SOX5: variants seen among roughly 807,000 people sequenced by gnomAD.
The protein encoded by SOX5 is SRY-box transcription factor 5, also known as transcription factor SOX-5.
Under a neutral mutation model 92.0 loss-of-function variants are expected in SOX5, and 9 were observed. The observed-to-expected ratio is 0.10, with a 90% CI of 0.06 to 0.17. The LOEUF (loss-of-function observed/expected upper bound fraction) is 0.17. Ranked by LOEUF, SOX5 falls within the 10% of genes least tolerant of loss-of-function variation. The pLI, the probability that SOX5 is intolerant of heterozygous loss-of-function variation, is 1.00. For synonymous variants in SOX5, 344 were observed against 336.3 expected (o/e 1.02, Z -0.25); for missense variants, 642 against 944.5 (o/e 0.68, Z 4.20).
chr12:23,780,574 G>A (rs1314203863), intron 3 of SOX5, among the ~76,000 whole-genome samples: 1 of 152,022 alleles, frequency 6.6e-6, no homozygotes, highest in Non-Finnish European at 1.5e-5. Context: ...TCTCTTGAAT[G>A]AGGGAGAATT....
chr12:23,767,196 C>A (rs1048206480), intron 3 of SOX5, among the ~76,000 whole-genome samples: 8 of 145,568 alleles, frequency 5.5e-5, no homozygotes, highest in Non-Finnish European at 1.0e-4. Context: ...AAGAATGGAC[C>A]TTGTCTCAAA....
chr12:24,068,702 GTGTATATA>G (rs1340273536), intron 4 of SOX5, among the ~76,000 whole-genome samples: 79 of 53,000 alleles, frequency 1.5e-3, no homozygotes, highest in Middle Eastern at 7.1e-3. Context: ...GTGTGTGTGT[GTGTATATA>G]TATATATATA....
chr12:24,412,146 T>A (rs1357685352), intron 1 of SOX5, among the ~76,000 whole-genome samples: 1 of 152,138 alleles, frequency 6.6e-6, no homozygotes, highest in Non-Finnish European at 1.5e-5. Flanking sequence ...GATCGATAAA[T>A]CGTATCGATT....
intron 1 of SOX5, among the ~76,000 whole-genome samples, chr12:24,555,757 G>C (rs1164326355): frequency 6.6e-6 from 1 of 152,192 alleles, no homozygotes; most frequent in African/African-American, 2.4e-5. Flanking sequence ...GTGTGTGTGT[G>C]ACAGAGAGAC....
At chr12:24,208,608 C>T (rs1037175517) in intron 4 of SOX5, among the ~76,000 whole-genome samples, 2 of 152,170 alleles carry the variant, frequency 1.3e-5, no homozygotes, top group African/African-American at 4.8e-5. Flanking sequence ...TTCTATGAAG[C>T]CTTATACACT....
chr12:23,571,695 A>G (rs1338951227), intron 10 of SOX5, among the ~76,000 whole-genome samples: 3 of 152,184 alleles, frequency 2.0e-5, no homozygotes, highest in Non-Finnish European at 4.4e-5. Context: ...ATTTTTATGT[A>G]CATTTATTTC....
intron 1 of SOX5, among the ~76,000 whole-genome samples, chr12:24,443,240 A>T (rs1336189679): frequency 6.6e-6 from 1 of 152,212 alleles, no homozygotes; most frequent in Non-Finnish European, 1.5e-5. Context: ...GGCGTGAGCC[A>T]CCACGCCCGG....
chr12:24,074,630 C>CAAGAAAAAAAAAAA (rs1942269418), intron 4 of SOX5, among the ~76,000 whole-genome samples: 1 of 51,274 alleles, frequency 2.0e-5, no homozygotes, highest in Non-Finnish European at 3.5e-5. Flanking sequence ...TGTAAACTAC[C>CAAGAAAAAAAAAAA]AAAAAAAAAA....
rs1266056538 is a variant in SOX5, at chr12:23,837,251, T to TTATATGATATATAATA, written c.481+8731_481+8732insTATTATATATCATATA. The stretch of plus-strand genomic sequence containing the variant: ...TAATATATATTTATATAATATATAT[T>TTATATGATATATAATA]TATATTTATATAATATATAATATGT... On this transcript the variant is annotated intron_variant, in intron 3 of 14. Transcript: ENST00000451604. 2.6e-5 allele frequency among the ~76,000 whole-genome samples: 2 copies of TTATATGATATATAATA among 75,654 alleles called. 1 individual carries two copies. Among genetic ancestry groups the TTATATGATATATAATA allele is most frequent in the Non-Finnish European group, 6.4e-5 (2 of 31,382 alleles). The allele number at this position is 75,654 out of a possible 152,430, so 49.6% of individuals were successfully genotyped here. A position where few individuals can be genotyped will look rare whatever the true frequency, so the allele number is the denominator to read the frequency against.
chr12:23,676,799 T>C (rs1388418912), intron 6 of SOX5, among the ~76,000 whole-genome samples: 3 of 152,194 alleles, frequency 2.0e-5, no homozygotes, highest in African/African-American at 7.2e-5. Flanking sequence ...ACAGTGTTCT[T>C]ACTGTGTTCA....
intron 8 of SOX5, 34 bp from the exon 9 acceptor site, chr12:23,604,567 T>C (rs1392852165): frequency 6.3e-7 from 1 of 1,592,730 alleles, no homozygotes; most frequent in Non-Finnish European, 8.6e-7. Flanking sequence ...GGAGAAAGAA[T>C]ACTGTGAATA....
intron 4 of SOX5, among the ~76,000 whole-genome samples, chr12:24,186,008 T>C (rs564285370): frequency 6.6e-5 from 10 of 152,090 alleles, no homozygotes; most frequent in African/African-American, 2.2e-4. Context: ...CTAGATAACA[T>C]GAGAAAGACA....
At position 24,050,084 on chromosome 12, in the gene SOX5, CAAAAAAAA is replaced by C. The variant is rs10687571; in HGVS notation, c.-1-154068_-1-154061del. On this transcript the variant is annotated intron_variant, in intron 4 of 4. Coordinates refer to the SOX5 transcript ENST00000446891. ...CTTTCACATGCTGTGGGCGCAGAGG[CAAAAAAAA>C]AAAAAAAAAAAAAAGTGAAAGGGAA... Among the ~76,000 whole-genome samples the C allele has an allele frequency of 8.1e-5, 6 of 74,256 alleles. 1 individual carries two copies. The highest frequency in any genetic ancestry group is 8.8e-4 in the East Asian group (2 of 2,278). The allele number at this position is 74,256 out of a possible 152,430, so 48.7% of individuals were successfully genotyped here. A position where few individuals can be genotyped will look rare whatever the true frequency, so the allele number is the denominator to read the frequency against.
chr12:24,368,470 T>A (rs1265421486), intron 2 of SOX5: 1 of 152,242 alleles, frequency 6.6e-6, no homozygotes. Flanking sequence ...ACTTGCAAAA[T>A]TTATTTGCCA....
rs61910022 is a variant in SOX5, at chr12:23,972,604, C to T, written c.-1-76580G>A. ...GAACTCCTAACCTCAGGTGATCCAC[C>T]CACCTCAGCCTCCCAAAGTGCTAGG... On this transcript the variant is annotated intron_variant, in intron 4 of 4. Transcript: ENST00000446891. 2.5e-3 allele frequency among the ~76,000 whole-genome samples: 387 copies of T among 152,204 alleles called. 1 individual carries two copies. Among genetic ancestry groups the T allele is most frequent in the South Asian group, 0.011 (54 of 4,812 alleles).
intron 1 of SOX5, among the ~76,000 whole-genome samples, chr12:23,902,276 T>C (rs1303733807): frequency 6.6e-6 from 1 of 152,194 alleles, no homozygotes; most frequent in Non-Finnish European, 1.5e-5. Context: ...AGGGATTGCT[T>C]TCCTTATATA....
intron 1 of SOX5, among the ~76,000 whole-genome samples, chr12:23,937,975 T>G (rs1419987071): frequency 6.6e-6 from 1 of 150,862 alleles, no homozygotes; most frequent in Non-Finnish European, 1.5e-5. Flanking sequence ...GTGCGCTTTT[T>G]TTTTTCCCCA....
At chr12:24,092,671 A>C (rs1401900385) in intron 4 of SOX5, among the ~76,000 whole-genome samples, 1 of 152,232 alleles carries the variant, frequency 6.6e-6, no homozygotes, top group Non-Finnish European at 1.5e-5. Context: ...CAACGGATAC[A>C]AAAGTTTCAT....
chr12:23,638,562 G>T (rs1200518785), intron 8 of SOX5: 1 of 152,130 alleles, frequency 6.6e-6, no homozygotes, highest in Non-Finnish European at 1.5e-5. Flanking sequence ...TGAATTTTAG[G>T]TAAGGCTTAT....
Sources: allele counts gnomAD v4.1 joint callset (sites outside exome capture counted in the v4.1 genomes callset), GRCh38; gene constraint gnomAD v4.1.1; transcripts MANE v1.5; gene names NCBI Gene and HGNC (gene_info 2026-07-23, HGNC 2026-07-21).